OSBPL6: variants seen among roughly 807,000 people sequenced by gnomAD.
OSBPL6 encodes the protein oxysterol-binding protein-related protein 6.
OSBPL6 carries 49 observed loss-of-function variants against 125.8 expected under a neutral mutation model. That is an observed-to-expected ratio of 0.39 (90% CI 0.31 to 0.49). The LOEUF (loss-of-function observed/expected upper bound fraction) is 0.49. Among genes scored for constraint, OSBPL6 ranks in the 20% least tolerant of loss-of-function variants. The pLI, the probability that OSBPL6 is intolerant of heterozygous loss-of-function variation, is 0.88. For synonymous variants in OSBPL6, 394 were observed against 391.8 expected, an observed-to-expected ratio of 1.01 and a Z score of -0.07; for missense variants, 986 against 1,135.4, an observed-to-expected ratio of 0.87 and a Z score of 1.89.
At chr2:178,250,677 G>A (rs1260245025) in intron 1 of OSBPL6, among the ~76,000 whole-genome samples, 2 of 152,062 alleles carry the variant, frequency 1.3e-5, no homozygotes, top group Non-Finnish European at 2.9e-5. Flanking sequence ...CCAACTGAAC[G>A]ACTTCTGCTC....
intron 1 of OSBPL6, among the ~76,000 whole-genome samples, chr2:178,209,797 C>A (rs538033288): frequency 1.4e-4 from 21 of 151,762 alleles, no homozygotes; most frequent in African/African-American, 5.1e-4. Flanking sequence ...TCCTGTTAGA[C>A]TGGGCAGATT....
intron 2 of OSBPL6, among the ~76,000 whole-genome samples, chr2:178,294,237 T>A (rs115725143): frequency 2.0e-3 from 307 of 152,302 alleles, no homozygotes; most frequent in African/African-American, 7.0e-3. Flanking sequence ...TGCACTGCAT[T>A]GTTCCATATA....
At chr2:178,348,764 T>C (rs1434089) in intron 11 of OSBPL6, among the ~76,000 whole-genome samples, 41,437 of 152,128 alleles carry the variant, frequency 0.27, 5,974 homozygotes, top group Admixed American at 0.39. Context: ...TTTTATTTAA[T>C]GGCTACAGAG....
intron 1 of OSBPL6, among the ~76,000 whole-genome samples, chr2:178,266,250 G>A (rs1028599732): frequency 1.3e-5 from 2 of 152,138 alleles, no homozygotes; most frequent in African/African-American, 4.8e-5. Flanking sequence ...TGAACTATTG[G>A]AGCCCCATAT....
At chr2:178,199,997 G>A (rs334105) in intron 1 of OSBPL6, among the ~76,000 whole-genome samples, 18,709 of 152,022 alleles carry the variant, frequency 0.12, 2,160 homozygotes, top group African/African-American at 0.3. Flanking sequence ...TTTTAAAAAA[G>A]TTCTTCGAGA....
intron 1 of OSBPL6, among the ~76,000 whole-genome samples, chr2:178,234,953 T>C (rs1419608353): frequency 6.6e-6 from 1 of 152,204 alleles, no homozygotes; most frequent in Non-Finnish European, 1.5e-5. Flanking sequence ...GCCTTGTCTG[T>C]GAATCATGCC....
chr2:178,345,376 T>G (rs995466975), intron 11 of OSBPL6, among the ~76,000 whole-genome samples: 1 of 152,242 alleles, frequency 6.6e-6, no homozygotes, highest in Non-Finnish European at 1.5e-5. Flanking sequence ...TTCTACTTTA[T>G]GATTAGTAAT....
chr2:178,258,343 G>A (rs376731330), intron 1 of OSBPL6, among the ~76,000 whole-genome samples: 2 of 151,408 alleles, frequency 1.3e-5, no homozygotes, highest in East Asian at 2.0e-4. Context: ...CGATCGGCCC[G>A]CCTCGGCCTC....
At chr2:178,194,145 G>T (rs187854145), upstream of OSBPL6, among the ~76,000 whole-genome samples, 1,208 of 152,296 alleles carry the variant, frequency 7.9e-3, 26 homozygotes, top group East Asian at 0.076. Flanking sequence ...TGCGCGGGGC[G>T]AGGGCTCCGC....
At chr2:178,218,633 CTTT>C (rs10699137) in intron 1 of OSBPL6, among the ~76,000 whole-genome samples, 2 of 137,390 alleles carry the variant, frequency 1.5e-5, no homozygotes, top group Admixed American at 7.4e-5. Flanking sequence ...TTCTTTCTTT[CTTT>C]TTTTTTTTTT....
At chr2:178,279,690 A>G (rs995179609) in intron 1 of OSBPL6, among the ~76,000 whole-genome samples, 2 of 152,200 alleles carry the variant, frequency 1.3e-5, no homozygotes, top group African/African-American at 4.8e-5. Flanking sequence ...ATGCACGCCA[A>G]TTTTGGTTAT....
intron 15 of OSBPL6, among the ~76,000 whole-genome samples, chr2:178,380,442 G>GT (rs1415129538): frequency 3.9e-5 from 4 of 101,560 alleles, no homozygotes; most frequent in Non-Finnish European, 7.0e-5. Flanking sequence ...GGGCAGCAGA[G>GT]TAAGAGTCTG....
At position 178,306,130 on chromosome 2, in the gene OSBPL6, T is replaced by G; in HGVS notation, c.-55T>G. 9.3e-7 allele frequency: 1 copy of G among 1,071,152 alleles called. No homozygotes were observed. Among genetic ancestry groups the G allele is most frequent in the South Asian group, 1.3e-5 (1 of 76,786 alleles). 66.4% of individuals were successfully genotyped at this position (1,071,152 alleles called of 1,614,324 possible). The stretch of plus-strand genomic sequence containing the variant: ...ATCATCTACTTCTTTGTTTGTGGAT[T>G]TGAGAGAAGATTGGGATGGTCTTAA... On this transcript the variant is annotated 5_prime_UTR_variant, in exon 3 of 25. The change creates a new upstream start codon in the 5' untranslated region. Coordinates refer to ENST00000190611, the MANE Select transcript of OSBPL6 (RefSeq NM_032523.4).
intron 5 of OSBPL6, among the ~76,000 whole-genome samples, chr2:178,329,966 G>A (rs1192034699): frequency 6.6e-6 from 1 of 152,160 alleles, no homozygotes; most frequent in Non-Finnish European, 1.5e-5. Flanking sequence ...TGTTGCCCCG[G>A]TGCCCTGTCT....
intron 14 of OSBPL6, 82 bp downstream of exon 14, chr2:178,372,315 G>T: frequency 2.1e-6 from 2 of 940,000 alleles, no homozygotes; most frequent in East Asian, 2.6e-5. Context: ...TTTATATCCA[G>T]TTCTTTCACA....
At chr2:178,322,465 T>C (rs1271330234) in intron 3 of OSBPL6, among the ~76,000 whole-genome samples, 1 of 152,214 alleles carries the variant, frequency 6.6e-6, no homozygotes, top group African/African-American at 2.4e-5. Context: ...GAACTCTTTC[T>C]AGAATATAAG....
At chr2:178,222,290 G>A (rs1238832375) in intron 1 of OSBPL6, among the ~76,000 whole-genome samples, 1 of 152,162 alleles carries the variant, frequency 6.6e-6, no homozygotes, top group East Asian at 1.9e-4. Context: ...AATTTGTAGA[G>A]ACTCAGATAT....
chr2:178,379,189 C>T lies in OSBPL6; in HGVS notation c.1534-3231C>T, dbSNP rs754159619. On this transcript the variant is annotated intron_variant, in intron 15 of 24. Coordinates refer to ENST00000190611, the MANE Select transcript of OSBPL6 (RefSeq NM_032523.4). The stretch of plus-strand genomic sequence containing the variant: ...CCTGTATCAAAAAAGAACGAAGGAA[C>T]GAAAAAAAGAAAGGAAGGGAGGGAG... Among the ~76,000 whole-genome samples the T allele has an allele frequency of 1.9e-4, 18 of 92,362 alleles. 1 individual carries two copies. Among genetic ancestry groups the T allele is most frequent in the Admixed American group, 5.1e-4 (4 of 7,880 alleles). 60.6% of individuals were successfully genotyped at this position (92,362 alleles called of 152,430 possible).
intron 15 of OSBPL6, among the ~76,000 whole-genome samples, chr2:178,380,705 AAT>A: frequency 6.6e-6 from 1 of 152,276 alleles, no homozygotes; most frequent in African/African-American, 2.4e-5. Context: ...GATTTATGAA[AAT>A]ATATTTACAA....
Sources: gnomAD v4.1 joint callset for allele counts (sites outside exome capture counted in the v4.1 genomes callset) on GRCh38, gnomAD v4.1.1 for gene constraint, MANE v1.5 for transcripts, NCBI Gene and HGNC (gene_info 2026-07-23, HGNC 2026-07-21) for gene names.